ANKDD1A: variants seen among roughly 807,000 people sequenced by gnomAD.
ANKDD1A encodes ankyrin repeat and death domain-containing protein 1A.
ANKDD1A carries 59 observed loss-of-function variants against 63.5 expected under a neutral mutation model. That is an observed-to-expected ratio of 0.93 (90% CI 0.75 to 1.15). The LOEUF (loss-of-function observed/expected upper bound fraction) is 1.15, where lower values mean the gene tolerates loss of function less well. Among genes scored for constraint, ANKDD1A ranks in the 50% most tolerant of loss-of-function variants. The pLI is 0.00. For synonymous variants in ANKDD1A, 266 were observed against 263.9 expected, an observed-to-expected ratio of 1.01 and a Z score of -0.08; for missense variants, 632 against 656.4, an observed-to-expected ratio of 0.96 and a Z score of 0.41.
chr15:64,937,809 A>T (rs2085147370), intron 9 of ANKDD1A, among the ~76,000 whole-genome samples: 1 of 152,200 alleles, frequency 6.6e-6, no homozygotes, highest in South Asian at 2.1e-4. Context: ...GACCTTAAAG[A>T]TACAGTTATG....
chr15:64,930,800 T>G, intron 6 of ANKDD1A, 22 bp from the exon 7 acceptor site: 1 of 1,606,418 alleles, frequency 6.2e-7, no homozygotes. Flanking sequence ...TGCTGGCCTC[T>G]CAGGAGCCCT....
chr15:64,953,209 CCTTCTTTCTTGTTCCTTATTCTT>C (rs2085334571), intron 14 of ANKDD1A, among the ~76,000 whole-genome samples: 2 of 145,308 alleles, frequency 1.4e-5, no homozygotes, highest in African/African-American at 2.5e-5. Context: ...TCTTTCTTCT[CCTTCTTTCTTGTTCCTTATTCTT>C]CTTTCTTCTT....
chr15:64,957,336 T>C lies in ANKDD1A; in HGVS notation c.*148T>C. 3 of 247,918 alleles carry C rather than the reference T, an allele frequency of 1.2e-5. No individual in the cohort carries two copies. The highest frequency in any genetic ancestry group is 1.1e-4 in the South Asian group (3 of 26,606). The allele number at this position is 247,918 out of a possible 1,614,324, so 15.4% of individuals were successfully genotyped here. A position where few individuals can be genotyped will look rare whatever the true frequency, so the allele number is the denominator to read the frequency against. Reference sequence around the variant, plus strand: ...ACCTTAAATAATAAGAGTAGAATACTTTCTGTGTTTTTATCTTATACACAT... The same window carrying C: ...ACCTTAAATAATAAGAGTAGAATACCTTCTGTGTTTTTATCTTATACACAT... On this transcript the variant is annotated 3_prime_UTR_variant, in exon 15 of 15. Coordinates refer to ENST00000319580, the MANE Select transcript of ANKDD1A (RefSeq NM_182703.6).
intron 14 of ANKDD1A, among the ~76,000 whole-genome samples, chr15:64,953,288 CTTCTTTCTTCTTCTTTTACTTTT>C (rs1265724005): frequency 7.0e-6 from 1 of 142,584 alleles, no homozygotes; most frequent in South Asian, 2.2e-4. Flanking sequence ...TTCCTTCTTC[CTTCTTTCTTCTTCTTTTACTTTT>C]TTCTTTCTTC....
chr15:64,955,036 C>CTTCT (rs1471818411), intron 14 of ANKDD1A, among the ~76,000 whole-genome samples: 1,150 of 60,886 alleles, frequency 0.019, 8 homozygotes, highest in South Asian at 0.079. Context: ...TCCTCTTCTT[C>CTTCT]TTCTTTCTTT....
At chr15:64,954,099 CTTTTCTTCTTCCTT>C (rs2085374600) in intron 14 of ANKDD1A, among the ~76,000 whole-genome samples, 2 of 136,366 alleles carry the variant, frequency 1.5e-5, no homozygotes, top group African/African-American at 5.3e-5. Context: ...TCTCCTCCCT[CTTTTCTTCTTCCTT>C]TCTTTTCTCC....
intron 4 of ANKDD1A, among the ~76,000 whole-genome samples, chr15:64,925,707 T>TA (rs1473237256): frequency 1.3e-5 from 2 of 152,202 alleles, no homozygotes; most frequent in East Asian, 3.8e-4. Flanking sequence ...GTTGATAAAA[T>TA]ACCTTTCCTG....
rs1236831844 is a variant in ANKDD1A at position 64,943,499 on chromosome 15, C to G, written c.982C>G (p.Leu328Val). Reference sequence around the variant, plus strand: ...TCTCCCCTAGAGGCAGCAGACGCCCCTTCACCTGGCTGCAGAGCACGCCTG... The same window carrying G: ...TCTCCCCTAGAGGCAGCAGACGCCCGTTCACCTGGCTGCAGAGCACGCCTG... ...NAVDNRQQTPLHLAAEHAWQD... is the reference protein window; with the variant it reads ...NAVDNRQQTPVHLAAEHAWQD... Residue 328 changes from leucine to valine, a missense_variant, in exon 11 of 15, where the codon CTT becomes GTT. Coordinates refer to ENST00000319580, the MANE Select transcript of ANKDD1A (RefSeq NM_182703.6). 6.2e-7 allele frequency: 1 copy of G among 1,614,210 alleles called. No homozygotes were observed. Among genetic ancestry groups the G allele is most frequent in the Admixed American group, 1.7e-5 (1 of 60,034 alleles).
intron 9 of ANKDD1A, among the ~76,000 whole-genome samples, chr15:64,937,145 G>A (rs1048443582): frequency 6.7e-6 from 1 of 149,834 alleles, no homozygotes; most frequent in African/African-American, 2.5e-5. Flanking sequence ...CCAATCTGTA[G>A]GGAAATAGAC....
intron 8 of ANKDD1A, 73 bp downstream of exon 8, chr15:64,931,658 C>T: frequency 6.6e-7 from 1 of 1,506,224 alleles, no homozygotes; most frequent in Non-Finnish European, 9.1e-7. Context: ...GTAACGGCCA[C>T]AGGGATTCCT....
chr15:64,954,329 C>CTTCGTAG (rs2085381052), intron 14 of ANKDD1A, among the ~76,000 whole-genome samples: 1 of 12,142 alleles, frequency 8.2e-5, no homozygotes, highest in African/African-American at 1.7e-4. Context: ...TTAGTTCTTC[C>CTTCGTAG]TTCTTCTTCC....
chr15:64,919,495 T>C (rs994975262), intron 3 of ANKDD1A, among the ~76,000 whole-genome samples: 1 of 152,248 alleles, frequency 6.6e-6, no homozygotes, highest in East Asian at 1.9e-4. Context: ...TCTTGGATGA[T>C]AGACCCTCAT....
At chr15:64,933,822 C>G (rs1177972786) in intron 8 of ANKDD1A, among the ~76,000 whole-genome samples, 2 of 151,536 alleles carry the variant, frequency 1.3e-5, no homozygotes, top group South Asian at 4.1e-4. Flanking sequence ...GCTTGGGTGA[C>G]AGAGTGAGAC....
intron 9 of ANKDD1A, among the ~76,000 whole-genome samples, chr15:64,939,887 T>C (rs1272362936): frequency 6.6e-6 from 1 of 152,098 alleles, no homozygotes; most frequent in African/African-American, 2.4e-5. Context: ...TATAAAGCTT[T>C]TAGAAAAAAT....
At chr15:64,937,032 A>G (rs1480654907) in intron 9 of ANKDD1A, among the ~76,000 whole-genome samples, 1 of 152,192 alleles carries the variant, frequency 6.6e-6, no homozygotes, top group African/African-American at 2.4e-5. Flanking sequence ...GCAAAAATCC[A>G]AAAGTTTTGC....
chr15:64,950,068 G>A (rs1263929949), intron 14 of ANKDD1A, 96 bp downstream of exon 14: 2 of 1,553,348 alleles, frequency 1.3e-6, no homozygotes. Flanking sequence ...CAAGAATGCT[G>A]TGATGCTGGC....
chr15:64,952,829 TC>T (rs2085321969), intron 14 of ANKDD1A, among the ~76,000 whole-genome samples: 2 of 137,444 alleles, frequency 1.5e-5, no homozygotes, highest in Non-Finnish European at 3.2e-5. Flanking sequence ...TCCTCCTCCT[TC>T]TTCCTTTCTT....
chr15:64,949,336 C>G (rs1358635602), intron 13 of ANKDD1A, among the ~76,000 whole-genome samples: 1 of 152,222 alleles, frequency 6.6e-6, no homozygotes, highest in Non-Finnish European at 1.5e-5. Flanking sequence ...GACATGGGCC[C>G]TAGGTGTTTC....
chr15:64,952,594 CCTTCGT>C lies in ANKDD1A; in HGVS notation c.1483+2627_1483+2632del, dbSNP rs1326367086. Among the ~76,000 whole-genome samples the C allele has an allele frequency of 6.8e-3, 621 of 91,472 alleles. 1 individual carries two copies. The highest frequency in any genetic ancestry group is 0.025 in the Middle Eastern group (4 of 162). The allele number at this position is 91,472 out of a possible 152,430, so 60.0% of individuals were successfully genotyped here. A position where few individuals can be genotyped will look rare whatever the true frequency, so the allele number is the denominator to read the frequency against. ...TTCTTCTCCTTCTTTTCTTCTTCTTCCTTCGTCTTCTTCTTCCTCCTCTCCTTCTTC... is the reference window on the plus strand; with the variant it reads ...TTCTTCTCCTTCTTTTCTTCTTCTTCCTTCTTCTTCCTCCTCTCCTTCTTC... On this transcript the variant is annotated intron_variant, in intron 14 of 14. Transcript: ENST00000319580.
Sources: allele counts gnomAD v4.1 joint callset (sites outside exome capture counted in the v4.1 genomes callset), GRCh38; gene constraint gnomAD v4.1.1; transcripts MANE v1.5; gene names NCBI Gene and HGNC (gene_info 2026-07-23, HGNC 2026-07-21).